Variants in PRKN observed in about 807,000 individuals in gnomAD.
PRKN encodes the protein parkin RBR E3 ubiquitin protein ligase, also known as E3 ubiquitin-protein ligase parkin.
In PRKN, 56 loss-of-function variants were observed where a neutral mutation model predicts 59.5. The observed-to-expected ratio is 0.94, with a 90% CI of 0.76 to 1.18. PRKN has a LOEUF of 1.18. Ranked by LOEUF, PRKN falls within the 50% of genes most tolerant of loss-of-function variation. The probability of loss-of-function intolerance (pLI) is 0.00; values close to 1 mark genes in which losing one functional copy is unlikely to be tolerated. For missense variants in PRKN, 657 were observed against 596.4 expected (o/e 1.10, Z -1.06); for synonymous variants, 250 against 222.1 (o/e 1.13, Z -1.12).
intron 1 of PRKN, among the ~76,000 whole-genome samples, chr6:162,455,235 G>C (rs570920275): frequency 1.3e-5 from 2 of 152,198 alleles, no homozygotes; most frequent in South Asian, 2.1e-4. Flanking sequence ...CCATCCATCT[G>C]TCCATCTGCC....
Position 161,763,447 on chromosome 6 carries a change from GT to G in PRKN, c.871+22324del, listed in dbSNP as rs573163910. ...TCTTATATTAGCTTTAGTTGGTTCT[GT>G]TCCTGTCAACCAGATGAGCCTTAGT... On this transcript the variant is annotated intron_variant, in intron 7 of 11. Coordinates refer to ENST00000366898, the MANE Select transcript of PRKN (RefSeq NM_004562.3). Among the ~76,000 whole-genome samples, 170 of 152,038 alleles carry G rather than the reference GT, an allele frequency of 1.1e-3. 1 individual carries two copies. The highest frequency in any genetic ancestry group is 3.4e-3 in the Middle Eastern group (1 of 294).
chr6:162,491,269 C>CA (rs1415926992), intron 1 of PRKN, among the ~76,000 whole-genome samples: 1,372 of 75,794 alleles, frequency 0.018, 12 homozygotes, highest in African/African-American at 0.042. Flanking sequence ...GACTCTGGCT[C>CA]AAAAAAAAAA....
intron 5 of PRKN, among the ~76,000 whole-genome samples, chr6:162,050,474 C>CT (rs5881447): frequency 0.88 from 131,589 of 149,516 alleles, 58,064 homozygotes; most frequent in African/African-American, 0.95. Context: ...CACCCCCTCT[C>CT]TTTTTTTTTC....
intron 2 of PRKN, among the ~76,000 whole-genome samples, chr6:162,441,305 C>T (rs755319336): frequency 9.9e-5 from 15 of 151,994 alleles, no homozygotes; most frequent in Non-Finnish European, 1.9e-4. Context: ...GAAATATAGC[C>T]CATATTTTAT....
At chr6:161,900,210 G>A (rs1339782566) in intron 6 of PRKN, among the ~76,000 whole-genome samples, 3 of 150,006 alleles carry the variant, frequency 2.0e-5, no homozygotes, top group Non-Finnish European at 2.9e-5. Flanking sequence ...TGAAATTATC[G>A]AGAAGGTCTT....
rs535650026 is a variant in PRKN, at chr6:162,371,005, C to A, written c.171+72305G>T. 8.5e-5 allele frequency among the ~76,000 whole-genome samples: 13 copies of A among 152,290 alleles called. No homozygotes were observed. In the South Asian group the frequency reaches 2.5e-3, roughly 29 times the overall value. ...TTGTCCAGAATGCTACTGCTATTAG[C>A]CCAATGGCCATCACTGGTTATCAAA... On this transcript the variant is annotated intron_variant, in intron 2 of 11. Transcript: ENST00000366898.
rs143484202 is a variant in PRKN, at chr6:162,527,106, C to T, written c.8-83633G>A. 3.2e-3 allele frequency among the ~76,000 whole-genome samples: 490 copies of T among 152,326 alleles called. 1 individual carries two copies. Among genetic ancestry groups the T allele is most frequent in the African/African-American group, 0.011 (475 of 41,570 alleles). On this transcript the variant is annotated intron_variant, in intron 1 of 11. Transcript: ENST00000366898. ...ACATTTGCATATACTAAGGCTTGTT[C>T]TCTGCTTAATCGAAGGTAGGAGGAG...
At chr6:161,807,230 C>T (rs1394496044) in intron 6 of PRKN, among the ~76,000 whole-genome samples, 1 of 152,114 alleles carries the variant, frequency 6.6e-6, no homozygotes, top group African/African-American at 2.4e-5. Context: ...GTGGAGGCAA[C>T]AGTCACACGT....
chr6:161,821,988 A>T (rs1219025308), intron 6 of PRKN, among the ~76,000 whole-genome samples: 1 of 151,708 alleles, frequency 6.6e-6, no homozygotes, highest in Non-Finnish European at 1.5e-5. Context: ...ACCTCAGATG[A>T]TCCACCTGCC....
intron 3 of PRKN, among the ~76,000 whole-genome samples, chr6:162,234,760 T>C (rs979780198): frequency 6.6e-6 from 1 of 152,220 alleles, no homozygotes; most frequent in African/African-American, 2.4e-5. Context: ...GAACCAAGAA[T>C]AGAGGGCAGA....
intron 1 of PRKN, among the ~76,000 whole-genome samples, chr6:162,617,936 C>G (rs1782500382): frequency 6.6e-6 from 1 of 152,104 alleles, no homozygotes; most frequent in Non-Finnish European, 1.5e-5. Flanking sequence ...GCCCCAGTAA[C>G]ACAAGAATAA....
At chr6:161,989,515 G>T (rs1480429396) in intron 5 of PRKN, among the ~76,000 whole-genome samples, 3 of 152,086 alleles carry the variant, frequency 2.0e-5, no homozygotes, top group African/African-American at 7.2e-5. Context: ...ATACCATCTG[G>T]GGCTTGAGGA....
chr6:161,767,816 G>A lies in PRKN; in HGVS notation c.871+17956C>T, dbSNP rs1052800714. Among the ~76,000 whole-genome samples the A allele has an allele frequency of 6.6e-5, 10 of 152,094 alleles. No homozygotes were observed. In the South Asian group the frequency reaches 1.7e-3, roughly 25 times the overall value. The stretch of plus-strand genomic sequence containing the variant: ...GAGTGCAGGGAGGTAGGGGTCTTCC[G>A]GACACTGCATCAGGGGAGGTAGCAG... On this transcript the variant is annotated intron_variant, in intron 7 of 11. Transcript: ENST00000366898.
intron 9 of PRKN, among the ~76,000 whole-genome samples, chr6:161,509,957 C>T (rs1778324831): frequency 6.6e-6 from 1 of 150,934 alleles, no homozygotes; most frequent in Non-Finnish European, 1.5e-5. Flanking sequence ...TTAATTAATC[C>T]ATTGTGCAGC....
chr6:162,668,599 G>A lies in PRKN; in HGVS notation c.7+59063C>T, dbSNP rs1584015575. Among the ~76,000 whole-genome samples, 5 of 152,164 alleles carry A rather than the reference G, an allele frequency of 3.3e-5. No individual in the cohort carries two copies. The East Asian group carries it at 5.8e-4, about 18-fold the overall frequency. ...ACCATAAGTGGCTGTGTATGGGGGC[G>A]CAGCAGAACCATCCACGGTCAGACC... On this transcript the variant is annotated intron_variant, in intron 1 of 11. Coordinates refer to ENST00000366898, the MANE Select transcript of PRKN (RefSeq NM_004562.3).
chr6:162,091,774 A>G (rs781757444), intron 4 of PRKN, among the ~76,000 whole-genome samples: 1 of 152,132 alleles, frequency 6.6e-6, no homozygotes, highest in East Asian at 1.9e-4. Flanking sequence ...CCGTGACTCA[A>G]TCCTGTAATC....
In PRKN at chr6:161,468,966, C is replaced by T. The variant is rs1208618622; in HGVS notation, c.1083+79888G>A. ...TAAAACCCAGCAGTACACAAATGGG[C>T]GCTCCCTACAGGCCAAGTAAAATTC... On this transcript the variant is annotated intron_variant, in intron 9 of 11. Transcript: ENST00000366898. The surrounding 1 kb of genome is among the most constrained non-coding windows in gnomAD (Gnocchi z 5.9). Among the ~76,000 whole-genome samples, 2 of 152,144 alleles carry T rather than the reference C, an allele frequency of 1.3e-5. No individual in the cohort carries two copies. Among genetic ancestry groups the T allele is most frequent in the Non-Finnish European group, 1.5e-5 (1 of 68,018 alleles).
chr6:162,345,304 G>A (rs548323335), intron 2 of PRKN, among the ~76,000 whole-genome samples: 21 of 152,282 alleles, frequency 1.4e-4, no homozygotes, highest in African/African-American at 4.8e-4. Flanking sequence ...GCTGCCCAAG[G>A]GTAGGCTTGA....
chr6:162,225,139 A>C (rs1314186779), intron 3 of PRKN, among the ~76,000 whole-genome samples: 1 of 152,220 alleles, frequency 6.6e-6, no homozygotes, highest in Non-Finnish European at 1.5e-5. Flanking sequence ...GAGCACATCT[A>C]TGAGTGAGCA....
Sources: allele counts gnomAD v4.1 joint callset (sites outside exome capture counted in the v4.1 genomes callset), GRCh38; gene constraint gnomAD v4.1.1; non-coding constraint Gnocchi (gnomAD v3.1); transcripts MANE v1.5; gene names NCBI Gene and HGNC (gene_info 2026-07-23, HGNC 2026-07-21).